The following PATJ variants were observed in gnomAD, a reference collection of about 807,000 sequenced individuals.
PATJ encodes inaD-like protein.
PATJ carries 190 observed loss-of-function variants against 224.9 expected under a neutral mutation model. The ratio of observed to expected loss-of-function variants is 0.84; its 90% CI spans 0.75 to 0.95. The LOEUF is 0.95. PATJ is among the 40% of genes least tolerant of loss of function. The pLI is 0.00. For missense variants in PATJ, 2,121 were observed against 2,270.3 expected (o/e 0.93, Z 1.34); for synonymous variants, 769 against 820.3 (o/e 0.94, Z 1.07).
chr1:62,073,101 T>C, intron 31 of PATJ: 2 of 985,288 alleles, frequency 2.0e-6, no homozygotes, highest in Non-Finnish European at 2.4e-6. Flanking sequence ...ACAATGTACA[T>C]AACTTGTACT....
chr1:61,943,223 C>G (rs1054927062), intron 27 of PATJ, among the ~76,000 whole-genome samples: 17 of 152,306 alleles, frequency 1.1e-4, no homozygotes, highest in Non-Finnish European at 2.1e-4. Context: ...TCTGCATTTC[C>G]AACTGTGGTA....
chr1:61,870,000 C>T (rs141069778), intron 20 of PATJ, among the ~76,000 whole-genome samples: 3 of 151,638 alleles, frequency 2.0e-5, no homozygotes, highest in African/African-American at 4.8e-5. Context: ...CATCTGCGGA[C>T]GGCTTAAGTG....
At chr1:62,106,470 CA>C in intron 33 of PATJ, among the ~76,000 whole-genome samples, 1 of 150,390 alleles carries the variant, frequency 6.6e-6, no homozygotes, top group Admixed American at 6.6e-5. Context: ...GATGCAATCT[CA>C]AAAAAAATTT....
At chr1:61,871,766 A>T (rs949136074) in intron 20 of PATJ, among the ~76,000 whole-genome samples, 1 of 150,626 alleles carries the variant, frequency 6.6e-6, no homozygotes, top group African/African-American at 2.4e-5. Context: ...GTTTCACCAC[A>T]TTGGCCAGGC....
intron 31 of PATJ, among the ~76,000 whole-genome samples, chr1:62,061,692 C>T (rs1302652439): frequency 6.7e-6 from 1 of 149,586 alleles, no homozygotes; most frequent in South Asian, 2.1e-4. Flanking sequence ...TGGAGTCTCA[C>T]TCTGTGGCCC....
chr1:61,864,228 T>C lies in PATJ; in HGVS notation c.2440-10T>C. 1 of 1,587,950 alleles carries C rather than the reference T, an allele frequency of 6.3e-7. No individual in the cohort carries two copies. Among genetic ancestry groups the C allele is most frequent in the Non-Finnish European group, 8.6e-7 (1 of 1,168,186 alleles). ...GTAACTTCACATTTTTTTGCATCTT[T>C]TATTTATAGGGATTTAGAGATGAAC... On this transcript the variant is annotated splice_polypyrimidine_tract_variant and intron_variant, in intron 19 of 43. Transcript: ENST00000642238.
intron 31 of PATJ, among the ~76,000 whole-genome samples, chr1:62,063,058 C>T (rs2148652851): frequency 6.6e-6 from 1 of 152,230 alleles, no homozygotes; most frequent in Admixed American, 6.5e-5. Flanking sequence ...TGTTTTTGAG[C>T]ACTCAGTTAC....
rs778159433 is a variant in PATJ at position 61,763,022 on chromosome 1, A to C, written c.32A>C (p.Gln11Pro). ...TTCATCTTGACCCAAGATAAACTGC[A>C]GGTGCTGCAGGTACTTGATCGCCTG... MPENPATDKL[Q>P]VLQVLDRLKM... Residue 11 changes from glutamine (Q) to proline (P), a missense_variant, in exon 3 of 44, where the codon CAG becomes CCG. Gln to Pro is a moderately conservative substitution (Grantham distance 76, BLOSUM62 -1). Coordinates refer to ENST00000642238, the MANE Select transcript of PATJ (RefSeq NM_001350145.3). The C allele has an allele frequency of 6.2e-7, 1 of 1,607,988 alleles. No homozygotes were observed. Among genetic ancestry groups the C allele is most frequent in the Non-Finnish European group, 8.5e-7 (1 of 1,176,714 alleles).
chr1:61,862,500 T>G (rs1664775702), intron 19 of PATJ, among the ~76,000 whole-genome samples: 1 of 152,146 alleles, frequency 6.6e-6, no homozygotes, highest in Non-Finnish European at 1.5e-5. Context: ...CCCAGCCTAT[T>G]TTTTTAAAAC....
chr1:61,781,247 G>A (rs1000347830), intron 7 of PATJ, among the ~76,000 whole-genome samples: 1 of 152,100 alleles, frequency 6.6e-6, no homozygotes, highest in African/African-American at 2.4e-5. Context: ...CCATCAACAG[G>A]GAGTAGCCAG....
rs374594803 is a variant in PATJ at position 62,136,015 on chromosome 1, A to ATTTTTTTTTTTTT, written c.5271+7087_5271+7099dup. Reference sequence around the variant, plus strand: ...GCTTCACACTTCTTCAGACCATTAGATTTTTTTTTTTTTTTTTTTTTTTTT... The same window carrying ATTTTTTTTTTTTT: ...GCTTCACACTTCTTCAGACCATTAGATTTTTTTTTTTTTTTTTTTTTTTTTTTTTTTTTTTTTT... On this transcript the variant is annotated intron_variant, in intron 41 of 43. Coordinates refer to ENST00000642238, the MANE Select transcript of PATJ (RefSeq NM_001350145.3). 3.1e-5 allele frequency among the ~76,000 whole-genome samples: 2 copies of ATTTTTTTTTTTTT among 63,902 alleles called. 1 individual carries two copies. Among genetic ancestry groups the ATTTTTTTTTTTTT allele is most frequent in the Non-Finnish European group, 5.5e-5 (2 of 36,442 alleles). The allele number at this position is 63,902 out of a possible 152,430, so 41.9% of individuals were successfully genotyped here.
chr1:61,935,852 T>A (rs1483440000), intron 27 of PATJ, among the ~76,000 whole-genome samples: 8 of 152,184 alleles, frequency 5.3e-5, no homozygotes, highest in Non-Finnish European at 7.4e-5. Flanking sequence ...TACCAATTCC[T>A]TGCATCTTCA....
At chr1:61,850,958 C>T (rs1380766988) in intron 17 of PATJ, among the ~76,000 whole-genome samples, 1 of 152,078 alleles carries the variant, frequency 6.6e-6, no homozygotes, top group Non-Finnish European at 1.5e-5. Flanking sequence ...GTGTACTTGC[C>T]GTCCAGTGGG....
intron 29 of PATJ, among the ~76,000 whole-genome samples, chr1:62,033,321 A>G (rs891001102): frequency 6.6e-6 from 1 of 152,188 alleles, no homozygotes; most frequent in African/African-American, 2.4e-5. Flanking sequence ...AGCTTAAACT[A>G]AAAGGAGAAT....
intron 41 of PATJ, among the ~76,000 whole-genome samples, chr1:62,144,566 A>C (rs11806656): frequency 0.036 from 5,426 of 152,020 alleles, 176 homozygotes; most frequent in South Asian, 0.12. Context: ...ATCTCTGGTA[A>C]CTAGTTGAGG....
At chr1:61,933,629 T>C (rs1676369066) in intron 27 of PATJ, among the ~76,000 whole-genome samples, 1 of 152,118 alleles carries the variant, frequency 6.6e-6, no homozygotes, top group African/African-American at 2.4e-5. Flanking sequence ...GACTTGAAAG[T>C]CTTCTTTTCT....
chr1:61,896,444 A>T (rs1670379580), intron 22 of PATJ, among the ~76,000 whole-genome samples: 1 of 152,072 alleles, frequency 6.6e-6, no homozygotes, highest in Admixed American at 6.5e-5. Context: ...GTATCTTGGG[A>T]ATAACTAACT....
At chr1:62,144,266 A>C (rs1471629663) in intron 41 of PATJ, among the ~76,000 whole-genome samples, 1 of 151,356 alleles carries the variant, frequency 6.6e-6, no homozygotes, top group Non-Finnish European at 1.5e-5. Context: ...CATTCTTCAT[A>C]CAGTGGTACT....
chr1:61,844,228 G>A (rs563587106), intron 17 of PATJ, among the ~76,000 whole-genome samples: 3 of 152,152 alleles, frequency 2.0e-5, no homozygotes, highest in South Asian at 4.1e-4. Context: ...TCTGCTGTGT[G>A]GACAGTAAGG....
Sources: gnomAD v4.1 joint callset for allele counts (sites outside exome capture counted in the v4.1 genomes callset) on GRCh38, gnomAD v4.1.1 for gene constraint, MANE v1.5 for transcripts, NCBI Gene and HGNC (gene_info 2026-07-23, HGNC 2026-07-21) for gene names.